The following ONECUT1 variants were observed in gnomAD, a reference collection of about 807,000 sequenced individuals.
ONECUT1 encodes one cut homeobox 1.
ONECUT1 carries 12 observed loss-of-function variants against 25.6 expected under a neutral mutation model. The observed-to-expected ratio is 0.47, with a 90% CI of 0.30 to 0.76. The LOEUF is 0.76. ONECUT1 is among the 30% of genes least tolerant of loss of function. The pLI, the probability that ONECUT1 is intolerant of heterozygous loss-of-function variation, is 0.07. For missense variants in ONECUT1, 620 were observed against 651.2 expected (o/e 0.95, Z 0.52); for synonymous variants, 285 against 270.2 (o/e 1.05, Z -0.54).
At chr15:52,765,492 C>A (rs1156871117) in intron 1 of ONECUT1, among the ~76,000 whole-genome samples, 3 of 152,160 alleles carry the variant, frequency 2.0e-5, no homozygotes, top group Admixed American at 6.5e-5. Flanking sequence ...CTCTTGTCAG[C>A]TGAAGCTGTT....
At position 52,755,609 on chromosome 15, in the gene ONECUT1, G is replaced by A. The variant is rs1451499335; in HGVS notation, c.*1946C>T. ...CCTGCCTGTTACAGACCTAGACAAG[G>A]TGCTGAGATTTGATGCTAAGGAGTT... On this transcript the variant is annotated 3_prime_UTR_variant, in exon 2 of 2. Coordinates refer to ENST00000305901, the MANE Select transcript of ONECUT1 (RefSeq NM_004498.4). Among the ~76,000 whole-genome samples the A allele has an allele frequency of 1.3e-5, 2 of 152,222 alleles. No individual in the cohort carries two copies. The highest frequency in any genetic ancestry group is 6.5e-5 in the Admixed American group (1 of 15,286).
chr15:52,788,857 C>T lies in ONECUT1; in HGVS notation c.1028G>A (p.Gly343Asp). Residue 343 changes from glycine to aspartate, a missense_variant, in exon 1 of 2, where the codon GGC becomes GAC. Gly to Asp is a moderately conservative substitution (Grantham distance 94). Transcript: ENST00000305901. This position sits in a 1 kb window ranked among gnomAD's most constrained non-coding sequence, Gnocchi z 4.3. ...CCACATCCTCCGGAAGGTCTCCCGG[C>T]CGGATTTGAGTTTGCTCCAGGGTTT... ...NPKPWSKLKS[G>D]RETFRRMWKW... The T allele has an allele frequency of 6.2e-7, 1 of 1,614,160 alleles. No individual in the cohort carries two copies. The highest frequency in any genetic ancestry group is 8.5e-7 in the Non-Finnish European group (1 of 1,180,008).
chr15:52,779,092 T>C (rs2141459362), intron 1 of ONECUT1, among the ~76,000 whole-genome samples: 1 of 151,996 alleles, frequency 6.6e-6, no homozygotes, highest in East Asian at 1.9e-4. Context: ...ATTTAATTAA[T>C]TAATTTATTT....
rs144395761 is a variant in ONECUT1, at chr15:52,765,367, C to G, written c.1106-7520G>C. ...GAGCAGCGGCAGCCAGCCATGCACA[C>G]AGGGTGAGCCCTCTGCTCTCACCCC... On this transcript the variant is annotated intron_variant, in intron 1 of 1. Coordinates refer to ENST00000305901, the MANE Select transcript of ONECUT1 (RefSeq NM_004498.4). Among the ~76,000 whole-genome samples, 733 of 152,302 alleles carry G rather than the reference C, an allele frequency of 4.8e-3. 19 individuals carry two copies. In the South Asian group the frequency reaches 0.061, roughly 13 times the overall value.
intron 1 of ONECUT1, among the ~76,000 whole-genome samples, chr15:52,786,534 G>T (rs1278540821): frequency 2.0e-5 from 3 of 152,274 alleles, no homozygotes; most frequent in East Asian, 1.9e-4. Flanking sequence ...TCTACAGGTT[G>T]CTGGGTGCCC....
rs2083669075 is a variant in ONECUT1, at chr15:52,755,314, T to C, written c.*2241A>G. On this transcript the variant is annotated 3_prime_UTR_variant, in exon 2 of 2. Transcript: ENST00000305901. ...AGTTTTTTCCTTTTTGTTTATGTCA[T>C]TGACAAGATTCTATTTTTTAGTAAA... Among the ~76,000 whole-genome samples the C allele has an allele frequency of 6.6e-6, 1 of 152,204 alleles. No individual in the cohort carries two copies. Among genetic ancestry groups the C allele is most frequent in the Non-Finnish European group, 1.5e-5 (1 of 68,032 alleles).
In ONECUT1 at chr15:52,777,737, C is replaced by CACACACACA. The variant is rs57187579; in HGVS notation, c.1105+11042_1105+11043insTGTGTGTGT. ...ACACACACACACACACACACACACA[C>CACACACACA]AAAAAAACATGTAAAGTTATTTGTT... is the stretch of plus-strand genomic sequence containing the variant. On this transcript the variant is annotated intron_variant, in intron 1 of 1. Transcript: ENST00000305901. Among the ~76,000 whole-genome samples the CACACACACA allele has an allele frequency of 9.0e-3, 929 of 103,406 alleles. 36 individuals are homozygous for CACACACACA. The highest frequency in any genetic ancestry group is 0.039 in the African/African-American group (886 of 22,544). 67.8% of individuals were successfully genotyped at this position (103,406 alleles called of 152,430 possible). A position where few individuals can be genotyped will look rare whatever the true frequency, so the allele number is the denominator to read the frequency against.
At chr15:52,782,744 T>C (rs1172182754) in intron 1 of ONECUT1, among the ~76,000 whole-genome samples, 1 of 152,204 alleles carries the variant, frequency 6.6e-6, no homozygotes, top group African/African-American at 2.4e-5. Context: ...TCTGCTGTTT[T>C]AATGGGGACT....
chr15:52,788,492 C>G lies in ONECUT1; in HGVS notation c.1105+288G>C, dbSNP rs1432146908. On this transcript the variant is annotated intron_variant, in intron 1 of 1. Coordinates refer to ENST00000305901, the MANE Select transcript of ONECUT1 (RefSeq NM_004498.4). This position sits in a 1 kb window ranked among gnomAD's most constrained non-coding sequence, Gnocchi z 4.3. Reference sequence around the variant, plus strand: ...GCGGGGATTTCTCTCCGCCTCAGGCCGTACGAGCTTCCCTCGCTGTCCCTG... The same window carrying G: ...GCGGGGATTTCTCTCCGCCTCAGGCGGTACGAGCTTCCCTCGCTGTCCCTG... 4 of 423,446 alleles carry G rather than the reference C, an allele frequency of 9.4e-6. No homozygotes were observed. The East Asian group carries it at 1.4e-4, about 15-fold the overall frequency. 26.2% of individuals were successfully genotyped at this position (423,446 alleles called of 1,614,324 possible). A position where few individuals can be genotyped will look rare whatever the true frequency, so the allele number is the denominator to read the frequency against.
At chr15:52,759,745 G>A (rs1596044764) in intron 1 of ONECUT1, among the ~76,000 whole-genome samples, 1 of 151,118 alleles carries the variant, frequency 6.6e-6, no homozygotes, top group African/African-American at 2.4e-5. Context: ...CACTACAGGT[G>A]CGTGCTGCCA....
In ONECUT1 at chr15:52,755,420, C is replaced by T. The variant is rs1176439970; in HGVS notation, c.*2135G>A. ...CATATTTAGAAGGGAAATTTTTAAGCTGGAGTTGTGGGTGAAATTAAAAAC... is the reference window on the plus strand; with the variant it reads ...CATATTTAGAAGGGAAATTTTTAAGTTGGAGTTGTGGGTGAAATTAAAAAC... On this transcript the variant is annotated 3_prime_UTR_variant, in exon 2 of 2. Coordinates refer to ENST00000305901, the MANE Select transcript of ONECUT1 (RefSeq NM_004498.4). 1.3e-5 allele frequency among the ~76,000 whole-genome samples: 2 copies of T among 152,144 alleles called. No individual in the cohort carries two copies. Among genetic ancestry groups the T allele is most frequent in the Non-Finnish European group, 2.9e-5 (2 of 68,020 alleles).
At position 52,788,577 on chromosome 15, in the gene ONECUT1, C is replaced by G. The variant is rs568371910; in HGVS notation, c.1105+203G>C. ...GCCGCTTAGCTCTCGGAGCCTTCCA[C>G]AGCCCAACACCCTGAGCCCTGGAGT... On this transcript the variant is annotated intron_variant, in intron 1 of 1. Coordinates refer to ENST00000305901, the MANE Select transcript of ONECUT1 (RefSeq NM_004498.4). The surrounding 1 kb of genome is among the most constrained non-coding windows in gnomAD (Gnocchi z 4.3). The G allele has an allele frequency of 1.8e-6, 1 of 567,856 alleles. No individual in the cohort carries two copies. The highest frequency in any genetic ancestry group is 1.9e-5 in the African/African-American group (1 of 53,898). 35.2% of individuals were successfully genotyped at this position (567,856 alleles called of 1,614,324 possible).
At position 52,773,434 on chromosome 15, in the gene ONECUT1, C is replaced by T. The variant is rs780414052; in HGVS notation, c.1105+15346G>A. Among the ~76,000 whole-genome samples the T allele has an allele frequency of 2.1e-4, 32 of 152,056 alleles. 1 individual carries two copies. The highest frequency in any genetic ancestry group is 8.5e-4 in the Admixed American group (13 of 15,278). On this transcript the variant is annotated intron_variant, in intron 1 of 1. Transcript: ENST00000305901. ...GAGCACGTATATAAGCATGTTTATG[C>T]GTACATGGATATTATGTATGTATGA...
At chr15:52,764,349 T>C (rs551234490) in intron 1 of ONECUT1, among the ~76,000 whole-genome samples, 8 of 152,148 alleles carry the variant, frequency 5.3e-5, no homozygotes, top group Non-Finnish European at 7.4e-5. Context: ...CACATGAAAT[T>C]TGGGGGACAC....
At chr15:52,768,093 TTAGA>T (rs567303407) in intron 1 of ONECUT1, among the ~76,000 whole-genome samples, 343 of 152,132 alleles carry the variant, frequency 2.3e-3, no homozygotes, top group Non-Finnish European at 2.9e-3. Flanking sequence ...AAAAATACAA[TTAGA>T]TAGAATGCAT....
In ONECUT1 at chr15:52,789,642, G is replaced by C; in HGVS notation, c.243C>G (p.Gly81=). 6.4e-7 allele frequency: 1 copy of C among 1,554,724 alleles called. No homozygotes were observed. The highest frequency in any genetic ancestry group is 1.4e-5 in the African/African-American group (1 of 73,130). The change falls in exon 1 of 2, where the codon GGC becomes GGG. Residue 81 remains glycine, a synonymous_variant. Coordinates refer to ENST00000305901, the MANE Select transcript of ONECUT1 (RefSeq NM_004498.4). This position sits in a 1 kb window ranked among gnomAD's most constrained non-coding sequence, Gnocchi z 4.1. ...HHRAPEHSLA[G]PLHPTMTMAC... is the part of the protein sequence containing the mutation. ...CCATGGTCATGGTGGGATGCAGGGG[G>C]CCGGCCAGGCTGTGCTCAGGGGCCC...
chr15:52,777,658 T>G (rs1045376233), intron 1 of ONECUT1, among the ~76,000 whole-genome samples: 1 of 147,336 alleles, frequency 6.8e-6, no homozygotes, highest in Non-Finnish European at 1.5e-5. Flanking sequence ...ATCTTCAAAA[T>G]TGTCCCTTCA....
intron 1 of ONECUT1, among the ~76,000 whole-genome samples, chr15:52,771,632 A>G (rs1191851224): frequency 6.8e-6 from 1 of 146,014 alleles, no homozygotes; most frequent in African/African-American, 2.5e-5. Flanking sequence ...TAACAGATGT[A>G]ATTTTGATAA....
rs1373714887 is a variant in ONECUT1, at chr15:52,755,869, C to G, written c.*1686G>C. ...AATCAAGTGATTCACTGGGGTACCA[C>G]TAATACGACTTCATTTTTTTTTTGA... is the stretch of plus-strand genomic sequence containing the variant. On this transcript the variant is annotated 3_prime_UTR_variant, in exon 2 of 2. Transcript: ENST00000305901. 6.6e-6 allele frequency among the ~76,000 whole-genome samples: 1 copy of G among 150,530 alleles called. No individual in the cohort carries two copies. Among genetic ancestry groups the G allele is most frequent in the Non-Finnish European group, 1.5e-5 (1 of 67,966 alleles).
Sources: allele counts gnomAD v4.1 joint callset (sites outside exome capture counted in the v4.1 genomes callset), GRCh38; gene constraint gnomAD v4.1.1; non-coding constraint Gnocchi (gnomAD v3.1); transcripts MANE v1.5; gene names NCBI Gene and HGNC (gene_info 2026-07-23, HGNC 2026-07-21).